ADCY10: variants seen among roughly 807,000 people sequenced by gnomAD.
The protein encoded by ADCY10 is adenylate cyclase 10.
In ADCY10, 156 loss-of-function variants were observed where a neutral mutation model predicts 183.3. The observed-to-expected ratio is 0.85, with a 90% CI of 0.75 to 0.97. The LOEUF is 0.97. Ranked by LOEUF, ADCY10 falls within the 50% of genes least tolerant of loss-of-function variation. The probability of loss-of-function intolerance (pLI) is 0.00; values close to 1 mark genes in which losing one functional copy is unlikely to be tolerated. For synonymous variants in ADCY10, 645 were observed against 670.0 expected, an observed-to-expected ratio of 0.96 and a Z score of 0.58; for missense variants, 1,745 against 1,934.3, an observed-to-expected ratio of 0.90 and a Z score of 1.84.
chr1:167,820,452 G>T (rs945800986), intron 30 of ADCY10: 3 of 493,992 alleles, frequency 6.1e-6, no homozygotes, highest in Non-Finnish European at 1.1e-5. Context: ...AGTCTGAGCA[G>T]CATTGGCCTA....
intron 6 of ADCY10, 61 bp from the exon 7 acceptor site, chr1:167,896,752 G>A (rs1317908109): frequency 3.4e-6 from 4 of 1,186,790 alleles, no homozygotes; most frequent in Non-Finnish European, 5.0e-6. Context: ...CCTTTGAAGT[G>A]TAATTTCTTA....
intron 7 of ADCY10, 60 bp downstream of exon 7, chr1:167,896,535 A>C: frequency 7.5e-7 from 1 of 1,335,870 alleles, no homozygotes; most frequent in Non-Finnish European, 1.1e-6. Context: ...GTCGGCATTG[A>C]TATAAGACCC....
chr1:167,885,651 C>T (rs917229047), intron 8 of ADCY10, among the ~76,000 whole-genome samples: 8 of 152,050 alleles, frequency 5.3e-5, no homozygotes, highest in African/African-American at 1.9e-4. Flanking sequence ...GAGTCTCACT[C>T]TGTCACCTGG....
intron 21 of ADCY10, among the ~76,000 whole-genome samples, chr1:167,842,863 C>T (rs1426948338): frequency 6.6e-6 from 1 of 152,080 alleles, no homozygotes; most frequent in Non-Finnish European, 1.5e-5. Flanking sequence ...TGTTAATATA[C>T]CATTTAGTAT....
chr1:167,836,353 A>G lies in ADCY10; in HGVS notation c.3265T>C (p.Leu1089=), dbSNP rs929967465. 1 of 1,614,142 alleles carries G rather than the reference A, an allele frequency of 6.2e-7. No homozygotes were observed. The change falls in exon 23 of 33, where the codon TTA becomes CTA. Residue 1089 remains leucine, a synonymous_variant. Transcript: ENST00000367851. ...GENDKALYYF[L]EIASAYLIFC... The stretch of plus-strand genomic sequence containing the variant: ...ATGAGATAAGCAGATGCAATTTCTA[A>G]GAAGTAATATAAGGCTTTGTCATTT...
At chr1:167,870,082 T>G (rs1571354833) in intron 14 of ADCY10, among the ~76,000 whole-genome samples, 175 bp downstream of exon 14, 1 of 152,248 alleles carries the variant, frequency 6.6e-6, no homozygotes, top group South Asian at 2.1e-4. Flanking sequence ...CCAGTTTCTC[T>G]TTTTCTTAGC....
chr1:167,865,337 T>C (rs1012966089), intron 14 of ADCY10, among the ~76,000 whole-genome samples: 3 of 152,218 alleles, frequency 2.0e-5, no homozygotes, highest in Admixed American at 6.5e-5. Context: ...TAAAAAGGTA[T>C]CATCCAGTTT....
intron 14 of ADCY10, among the ~76,000 whole-genome samples, chr1:167,869,739 A>G (rs1666964001): frequency 6.6e-6 from 1 of 152,102 alleles, no homozygotes; most frequent in Non-Finnish European, 1.5e-5. Flanking sequence ...CGACCCTCTC[A>G]TGCAGACCCC....
Position 167,845,756 on chromosome 1 carries a change from G to T in ADCY10, c.2814C>A (p.Tyr938Ter), listed in dbSNP as rs141483140. The T allele has an allele frequency of 3.7e-6, 6 of 1,614,210 alleles. No individual in the cohort carries two copies. Among genetic ancestry groups the T allele is most frequent in the Non-Finnish European group, 5.1e-6 (6 of 1,180,044 alleles). The change falls in exon 21 of 33, where the codon TAC becomes TAA. Residue 938 changes from tyrosine (Y) to a stop codon, truncating the protein, a stop_gained. Transcript: ENST00000367851. LOFTEE classifies it high-confidence loss of function. ...FCNPMMQKTA[Y>*]ELWLKDQRKA... ...TTCTCTGGTCCTTGAGCCACAGCTC[G>T]TAGGCTGTTTTCTGCATCATAGGGT...
intron 1 of ADCY10, among the ~76,000 whole-genome samples, chr1:167,909,243 C>T (rs1046751905): frequency 6.6e-6 from 1 of 152,166 alleles, no homozygotes; most frequent in Non-Finnish European, 1.5e-5. Flanking sequence ...AGTATTCCAT[C>T]ACCTGATGGA....
intron 22 of ADCY10, 174 bp downstream of exon 22, chr1:167,837,075 T>C (rs1301807979): frequency 1.5e-6 from 1 of 681,392 alleles, no homozygotes; most frequent in Non-Finnish European, 2.7e-6. Context: ...AAGAGCAGGA[T>C]AATAAAACCT....
At chr1:167,894,490 T>C (rs1316030716) in intron 7 of ADCY10, among the ~76,000 whole-genome samples, 1 of 152,024 alleles carries the variant, frequency 6.6e-6, no homozygotes, top group African/African-American at 2.4e-5. Context: ...ACTATAAAGA[T>C]TGATAGTTTT....
At chr1:167,894,823 G>C (rs146620860) in intron 7 of ADCY10, among the ~76,000 whole-genome samples, 1 of 152,180 alleles carries the variant, frequency 6.6e-6, no homozygotes, top group Non-Finnish European at 1.5e-5. Flanking sequence ...CTTGCAGCTA[G>C]TGTCTGAAGT....
intron 6 of ADCY10, among the ~76,000 whole-genome samples, chr1:167,897,951 G>C (rs866725213): frequency 0.049 from 40 of 812 alleles, 4 homozygotes; most frequent in African/African-American, 0.074. Context: ...AGCCGAGATC[G>C]CGCCACTGCA....
intron 14 of ADCY10, among the ~76,000 whole-genome samples, chr1:167,864,589 G>A (rs753065686): frequency 6.6e-6 from 1 of 152,100 alleles, no homozygotes; most frequent in Non-Finnish European, 1.5e-5. Flanking sequence ...AAGTCAAAGA[G>A]AGAGAGAGGG....
intron 12 of ADCY10, among the ~76,000 whole-genome samples, chr1:167,875,805 T>C (rs1482933160): frequency 1.3e-5 from 2 of 151,886 alleles, no homozygotes; most frequent in Non-Finnish European, 2.9e-5. Context: ...AAAAAGAAAT[T>C]AGCCAGGCAT....
In ADCY10 at chr1:167,903,886, C is replaced by A. The variant is rs772865627; in HGVS notation, c.253+1G>T. 2.5e-6 allele frequency: 4 copies of A among 1,605,170 alleles called. No individual in the cohort carries two copies. The African/African-American group carries it at 4.0e-5, about 16-fold the overall frequency. ...AGCCAGAAACCTATGGGAACACTTA[C>A]TCTCCACTATTGCACTTATGTGGTA... On this transcript the variant is annotated splice_donor_variant, in intron 3 of 32. Coordinates refer to ENST00000367851, the MANE Select transcript of ADCY10 (RefSeq NM_018417.6). LOFTEE classifies it high-confidence loss of function.
intron 25 of ADCY10, among the ~76,000 whole-genome samples, chr1:167,830,663 G>A (rs956592247): frequency 6.6e-6 from 1 of 152,130 alleles, no homozygotes; most frequent in Non-Finnish European, 1.5e-5. Flanking sequence ...CGAAGTGCTG[G>A]GATTGCAAGC....
chr1:167,831,774 T>G (rs1663752835), intron 25 of ADCY10, among the ~76,000 whole-genome samples: 1 of 152,222 alleles, frequency 6.6e-6, no homozygotes, highest in South Asian at 2.1e-4. Flanking sequence ...CTAATAATTT[T>G]TATGGAATGC....
Sources: gnomAD v4.1 joint callset for allele counts (sites outside exome capture counted in the v4.1 genomes callset) on GRCh38, gnomAD v4.1.1 for gene constraint, MANE v1.5 for transcripts, NCBI Gene and HGNC (gene_info 2026-07-23, HGNC 2026-07-21) for gene names.